Variants in KPNA5 observed in about 807,000 individuals in gnomAD.
The protein encoded by KPNA5 is importin subunit alpha-6.
KPNA5 carries 46 observed loss-of-function variants against 71.3 expected under a neutral mutation model. The ratio of observed to expected loss-of-function variants is 0.65; its 90% CI spans 0.51 to 0.83. The LOEUF (loss-of-function observed/expected upper bound fraction) is 0.83, where lower values mean the gene tolerates loss of function less well. Ranked by LOEUF, KPNA5 falls within the 40% of genes least tolerant of loss-of-function variation. The probability of loss-of-function intolerance (pLI) is 0.00; values close to 1 mark genes in which losing one functional copy is unlikely to be tolerated. For missense variants in KPNA5, 547 were observed against 628.3 expected (o/e 0.87, Z 1.38); for synonymous variants, 207 against 201.4 (o/e 1.03, Z -0.24).
intron 4 of KPNA5, among the ~76,000 whole-genome samples, chr6:116,693,963 A>G (rs1583408158): frequency 6.6e-6 from 1 of 152,112 alleles, no homozygotes; most frequent in Admixed American, 6.5e-5. Flanking sequence ...ATGGCTAGCC[A>G]GTTTTCCCAG....
intron 4 of KPNA5, among the ~76,000 whole-genome samples, chr6:116,697,037 C>A (rs1356730979): frequency 6.6e-6 from 1 of 151,704 alleles, no homozygotes; most frequent in Non-Finnish European, 1.5e-5. Context: ...ACCACAAAAC[C>A]CTATATTTTC....
rs1057399306 is a variant in KPNA5 at position 116,709,489 on chromosome 6, A to C, written c.656+4329A>C. On this transcript the variant is annotated intron_variant, in intron 7 of 13. Transcript: ENST00000368564. ...AATAATGCTTGTGAATAGTCATTGC[A>C]CTCTAGCCTGTGCAACATGGTAAGA... Among the ~76,000 whole-genome samples the C allele has an allele frequency of 3.3e-5, 5 of 152,126 alleles. No individual in the cohort carries two copies. The South Asian group carries it at 8.3e-4, about 25-fold the overall frequency.
Position 116,729,695 on chromosome 6 carries a change from T to C in KPNA5, c.1386T>C (p.Asn462=). ...LRLGEQESKQ[N]GIGINPYCAL... is the part of the protein sequence containing the mutation. ...TTGGAGAACAAGAATCTAAGCAGAA[T>C]GGAATAGGCATTAATCCATACTGTG... Residue 462 remains asparagine (N), a synonymous_variant, in exon 13 of 14, where the codon AAT becomes AAC. Coordinates refer to ENST00000368564, the MANE Select transcript of KPNA5 (RefSeq NM_001366306.2). The C allele has an allele frequency of 6.2e-7, 1 of 1,609,248 alleles. No individual in the cohort carries two copies. The highest frequency in any genetic ancestry group is 8.5e-7 in the Non-Finnish European group (1 of 1,177,616).
intron 6 of KPNA5, among the ~76,000 whole-genome samples, chr6:116,702,520 T>A (rs1035911499): frequency 6.6e-6 from 1 of 152,114 alleles, no homozygotes; most frequent in Non-Finnish European, 1.5e-5. Context: ...CCAGCTCTGC[T>A]AAAAATACAA....
At chr6:116,713,247 G>A (rs1029554598) in intron 7 of KPNA5, among the ~76,000 whole-genome samples, 5 of 152,030 alleles carry the variant, frequency 3.3e-5, no homozygotes, top group Admixed American at 6.5e-5. Context: ...AGCTATTCTT[G>A]TAAAGCCAAT....
intron 12 of KPNA5, among the ~76,000 whole-genome samples, chr6:116,727,303 A>G (rs886781453): frequency 2.0e-5 from 3 of 151,986 alleles, no homozygotes; most frequent in Non-Finnish European, 4.4e-5. Flanking sequence ...TGGCAGTGTA[A>G]GTCAGCCTTC....
At chr6:116,708,986 A>G (rs1476905016) in intron 7 of KPNA5, among the ~76,000 whole-genome samples, 2 of 152,052 alleles carry the variant, frequency 1.3e-5, no homozygotes, top group Non-Finnish European at 2.9e-5. Flanking sequence ...GAGTTTCACC[A>G]TGTTGGCCAG....
In KPNA5 at chr6:116,693,054, A is replaced by T. The variant is rs1777868161; in HGVS notation, c.340+662A>T. On this transcript the variant is annotated intron_variant, in intron 4 of 13. Transcript: ENST00000368564. ...TCCAGCTTCATCCATGTCCCTACAA[A>T]GGACATGAACTCATCCTTTTTTATG... Among the ~76,000 whole-genome samples the T allele has an allele frequency of 2.0e-5, 3 of 152,224 alleles. No individual in the cohort carries two copies. In the South Asian group the frequency reaches 6.2e-4, roughly 32 times the overall value.
rs182369391 is a variant in KPNA5 at position 116,684,126 on chromosome 6, C to T, written c.4+2788C>T. The stretch of plus-strand genomic sequence containing the variant: ...CAGGGTTTCACTATATTGGCCAGGC[C>T]GGTCTTGAACTCCTGACCTCAAGCG... On this transcript the variant is annotated intron_variant, in intron 1 of 13. Coordinates refer to ENST00000368564, the MANE Select transcript of KPNA5 (RefSeq NM_001366306.2). 3.5e-4 allele frequency among the ~76,000 whole-genome samples: 53 copies of T among 151,588 alleles called. No individual in the cohort carries two copies. In the East Asian group the frequency reaches 6.0e-3, roughly 17 times the overall value.
rs760810306 is a variant in KPNA5 at position 116,732,121 on chromosome 6, T to TAC, written c.1433-14_1433-13dup. 2.0e-5 allele frequency: 11 copies of TAC among 550,916 alleles called. No individual in the cohort carries two copies. Among genetic ancestry groups the TAC allele is most frequent in the East Asian group, 5.0e-5 (1 of 20,134 alleles). 34.1% of individuals were successfully genotyped at this position (550,916 alleles called of 1,614,324 possible). On this transcript the variant is annotated splice_polypyrimidine_tract_variant and intron_variant, in intron 13 of 13. Transcript: ENST00000368564. ...ATATATATATATATATATATATATA[T>TAC]ACTTTGTATAACAGGTCTGGATAAA... is the stretch of plus-strand genomic sequence containing the variant.
chr6:116,729,264 A>G (rs1447790264), intron 12 of KPNA5, among the ~76,000 whole-genome samples: 1 of 150,432 alleles, frequency 6.6e-6, no homozygotes, highest in Non-Finnish European at 1.5e-5. Flanking sequence ...TTTAATGCTC[A>G]GATGAGCACC....
intron 8 of KPNA5, among the ~76,000 whole-genome samples, chr6:116,720,862 C>A (rs535254809): frequency 6.6e-6 from 1 of 152,288 alleles, no homozygotes; most frequent in South Asian, 2.1e-4. Context: ...ACCCTGATTT[C>A]TCTGTTCAAG....
intron 10 of KPNA5, 30 bp downstream of exon 10, chr6:116,724,405 TTAACA>T (rs972143763): frequency 6.6e-7 from 1 of 1,507,836 alleles, no homozygotes; most frequent in Non-Finnish European, 9.2e-7. Context: ...TCATAAATTG[TTAACA>T]TAAAGGACTT....
intron 10 of KPNA5, among the ~76,000 whole-genome samples, chr6:116,725,195 G>A (rs1305251692): frequency 6.6e-6 from 1 of 152,124 alleles, no homozygotes; most frequent in Admixed American, 6.6e-5. Context: ...TTCACCAGAT[G>A]AATTTAATGT....
intron 1 of KPNA5, among the ~76,000 whole-genome samples, chr6:116,685,171 C>T (rs540126129): frequency 6.6e-6 from 1 of 152,276 alleles, no homozygotes; most frequent in South Asian, 2.1e-4. Flanking sequence ...CGTGATCTGT[C>T]CCTACAGTGG....
intron 7 of KPNA5, among the ~76,000 whole-genome samples, chr6:116,709,950 A>G (rs975926341): frequency 1.3e-5 from 2 of 151,780 alleles, no homozygotes; most frequent in African/African-American, 4.8e-5. Context: ...TAGTAGAGAC[A>G]GGGTTTCACC....
intron 5 of KPNA5, among the ~76,000 whole-genome samples, chr6:116,700,563 A>G (rs900030030): frequency 7.9e-5 from 12 of 152,188 alleles, no homozygotes; most frequent in African/African-American, 2.7e-4. Flanking sequence ...TGGTCTTGGG[A>G]CAGCTACATG....
Position 116,737,142 on chromosome 6 carries a change from T to C in KPNA5, c.*4819T>C, listed in dbSNP as rs1404429318. 6.6e-6 allele frequency: 1 copy of C among 152,026 alleles called. No homozygotes were observed. Among genetic ancestry groups the C allele is most frequent in the Non-Finnish European group, 1.5e-5 (1 of 67,932 alleles). The allele number at this position is 152,026 out of a possible 1,614,324, so 9.4% of individuals were successfully genotyped here. ...CAAGTTACTAGGGGAAAAAATGTGA[T>C]CCTTTAAAGGCTTGCTTTTAAACTT... On this transcript the variant is annotated 3_prime_UTR_variant, in exon 14 of 14. Transcript: ENST00000368564.
intron 1 of KPNA5, among the ~76,000 whole-genome samples, chr6:116,687,870 A>T (rs1333999226): frequency 1.3e-5 from 2 of 152,218 alleles, no homozygotes; most frequent in Non-Finnish European, 2.9e-5. Flanking sequence ...CTCTCTCTGA[A>T]CTATGTAAAA....
Sources: gnomAD v4.1 joint callset for allele counts (sites outside exome capture counted in the v4.1 genomes callset) on GRCh38, gnomAD v4.1.1 for gene constraint, MANE v1.5 for transcripts, NCBI Gene and HGNC (gene_info 2026-07-23, HGNC 2026-07-21) for gene names.